NUP210L: variants seen among roughly 807,000 people sequenced by gnomAD.
NUP210L encodes the protein nuclear pore membrane glycoprotein 210-like.
Under a neutral mutation model 208.5 loss-of-function variants are expected in NUP210L, and 74 were observed. The ratio of observed to expected loss-of-function variants is 0.35; its 90% CI spans 0.29 to 0.43. The LOEUF (loss-of-function observed/expected upper bound fraction) is 0.43. NUP210L is among the 20% of genes least tolerant of loss of function. The pLI, the probability that NUP210L is intolerant of heterozygous loss-of-function variation, is 1.00. For synonymous variants in NUP210L, 780 were observed against 816.9 expected (o/e 0.95, Z 0.77); for missense variants, 1,843 against 2,289.4 (o/e 0.81, Z 3.98).
At chr1:154,021,184 G>A (rs931193046) in intron 32 of NUP210L, among the ~76,000 whole-genome samples, 1 of 151,180 alleles carries the variant, frequency 6.6e-6, no homozygotes, top group East Asian at 2.0e-4. Context: ...TCGTGATCCC[G>A]CCACCTCAGC....
chr1:154,090,350 C>T (rs536354756), intron 15 of NUP210L, among the ~76,000 whole-genome samples: 8 of 152,074 alleles, frequency 5.3e-5, no homozygotes, highest in South Asian at 2.1e-4. Flanking sequence ...TAATGAATAA[C>T]GGAATGTGGA....
chr1:153,992,834 G>A (rs773570841), exon 40 of NUP210L: 1 of 1,598,680 alleles, frequency 6.3e-7, no homozygotes, highest in Non-Finnish European at 8.5e-7. Flanking sequence ...CCAAGCAGAG[G>A]TTAGTGCCTT....
chr1:154,009,616 G>A (rs1239950391), intron 35 of NUP210L, among the ~76,000 whole-genome samples: 4 of 106,612 alleles, frequency 3.8e-5, no homozygotes, highest in African/African-American at 7.8e-5. Flanking sequence ...GGAAGATCAC[G>A]TTGCTCTTAA....
chr1:154,127,866 T>G (rs1374533813), intron 8 of NUP210L, among the ~76,000 whole-genome samples: 1 of 150,436 alleles, frequency 6.6e-6, no homozygotes, highest in Non-Finnish European at 1.5e-5. Context: ...AAAGTAGATT[T>G]TTTTGTTGTT....
chr1:154,151,622 A>G (rs563002636), intron 2 of NUP210L, among the ~76,000 whole-genome samples: 95 of 152,168 alleles, frequency 6.2e-4, no homozygotes, highest in Non-Finnish European at 1.1e-3. Flanking sequence ...TGCAAAGTCC[A>G]CTTAAGAATA....
chr1:154,024,952 T>C (rs993141579), intron 30 of NUP210L, among the ~76,000 whole-genome samples: 19 of 123,978 alleles, frequency 1.5e-4, no homozygotes, highest in Admixed American at 7.6e-4. Context: ...TTTTTTGAGA[T>C]GGAGTCTTGC....
intron 16 of NUP210L, among the ~76,000 whole-genome samples, chr1:154,073,017 A>G (rs1654837647): frequency 6.6e-6 from 1 of 152,220 alleles, no homozygotes; most frequent in Admixed American, 6.5e-5. Flanking sequence ...TTCACGATCT[A>G]TACATCTGAC....
chr1:154,059,758 T>C (rs2147995655), intron 20 of NUP210L, among the ~76,000 whole-genome samples: 1 of 152,334 alleles, frequency 6.6e-6, no homozygotes, highest in Admixed American at 6.5e-5. Flanking sequence ...GTCTTCCCTT[T>C]TTAAAACATA....
intron 16 of NUP210L, among the ~76,000 whole-genome samples, chr1:154,081,124 A>G (rs1655302208): frequency 6.6e-6 from 1 of 152,142 alleles, no homozygotes; most frequent in South Asian, 2.1e-4. Flanking sequence ...TTAAGTATAA[A>G]TAAATTTTAT....
chr1:154,072,607 C>T (rs1654810335), intron 16 of NUP210L, among the ~76,000 whole-genome samples: 2 of 152,084 alleles, frequency 1.3e-5, no homozygotes, highest in South Asian at 4.1e-4. Context: ...GTTGGGATTA[C>T]AGGCGTGAGC....
chr1:154,005,482 C>T lies in NUP210L; in HGVS notation c.4931-3497G>A, dbSNP rs537639476. On this transcript the variant is annotated intron_variant, in intron 35 of 39. Transcript: ENST00000368559. ...GACCTCAGGTGATCCACCGCCTTGGCCTCCCAAAGTGCTTGGATTACAGGT... is the reference window on the plus strand; with the variant it reads ...GACCTCAGGTGATCCACCGCCTTGGTCTCCCAAAGTGCTTGGATTACAGGT... Among the ~76,000 whole-genome samples the T allele has an allele frequency of 3.2e-4, 48 of 152,142 alleles. No individual in the cohort carries two copies. In the East Asian group the frequency reaches 9.3e-3, roughly 30 times the overall value.
chr1:154,154,741 G>C, intron 1 of NUP210L, 101 bp downstream of exon 1: 1 of 944,194 alleles, frequency 1.1e-6, no homozygotes, highest in Middle Eastern at 3.3e-4. Context: ...CCCTTCACGC[G>C]GCCCCACACG....
intron 27 of NUP210L, among the ~76,000 whole-genome samples, chr1:154,044,856 T>C (rs1390777833): frequency 6.6e-6 from 1 of 152,218 alleles, no homozygotes; most frequent in African/African-American, 2.4e-5. Context: ...GGCAGCAAAC[T>C]TTACATAGTT....
At position 154,001,723 on chromosome 1, in the gene NUP210L, T is replaced by C. The variant is rs1181526291; in HGVS notation, c.5181+12A>G. ...GATCTCTTGTTCTGTTTTGGTTCAG[T>C]TCTTAACATACCTCTAGCTTCCTAA... On this transcript the variant is annotated intron_variant, in intron 36 of 39. Coordinates refer to ENST00000368559, the Ensembl canonical transcript of NUP210L. 1.2e-6 allele frequency: 2 copies of C among 1,613,650 alleles called. No homozygotes were observed. Among genetic ancestry groups the C allele is most frequent in the South Asian group, 2.2e-5 (2 of 91,080 alleles).
intron 7 of NUP210L, among the ~76,000 whole-genome samples, chr1:154,129,586 G>T (rs1312131261): frequency 6.6e-6 from 1 of 152,152 alleles, no homozygotes; most frequent in East Asian, 1.9e-4. Flanking sequence ...TAGAAAGGGA[G>T]AAAAAAGATC....
chr1:154,101,374 G>A (rs1336818617), intron 13 of NUP210L, among the ~76,000 whole-genome samples: 1 of 152,070 alleles, frequency 6.6e-6, no homozygotes, highest in Non-Finnish European at 1.5e-5. Context: ...TACTTGGGAG[G>A]CTGAGGCAGG....
intron 37 of NUP210L, among the ~76,000 whole-genome samples, chr1:153,996,184 T>A (rs922576844): frequency 1.3e-5 from 2 of 151,818 alleles, no homozygotes; most frequent in Non-Finnish European, 2.9e-5. Context: ...CCCAGCTACT[T>A]GGGAGGCTGA....
intron 27 of NUP210L, among the ~76,000 whole-genome samples, chr1:154,045,342 T>C (rs1044153465): frequency 1.4e-5 from 2 of 140,634 alleles, no homozygotes; most frequent in African/African-American, 4.9e-5. Flanking sequence ...TGATTATGAA[T>C]ATAATCAAAT....
intron 16 of NUP210L, among the ~76,000 whole-genome samples, chr1:154,088,881 G>GATA (rs1655757557): frequency 6.6e-6 from 1 of 152,122 alleles, no homozygotes; most frequent in African/African-American, 2.4e-5. Flanking sequence ...TTCTAGGATA[G>GATA]ATAACTCATT....
Sources: allele counts gnomAD v4.1 joint callset (sites outside exome capture counted in the v4.1 genomes callset), GRCh38; gene constraint gnomAD v4.1.1; transcripts MANE v1.5; gene names NCBI Gene and HGNC (gene_info 2026-07-23, HGNC 2026-07-21).